The following PAM variants were observed in gnomAD, a reference collection of about 807,000 sequenced individuals.
The protein encoded by PAM is peptidylglycine alpha-amidating monooxygenase, also known as peptidyl-glycine alpha-amidating monooxygenase.
A neutral mutation model predicts 122.1 loss-of-function variants in PAM; 72 were observed. The observed-to-expected ratio is 0.59, with a 90% CI of 0.49 to 0.72. PAM has a LOEUF of 0.72. PAM is among the 30% of genes least tolerant of loss of function. The pLI, the probability that PAM is intolerant of heterozygous loss-of-function variation, is 0.00. For missense variants in PAM, 1,106 were observed against 1,183.7 expected (o/e 0.93, Z 0.96); for synonymous variants, 389 against 404.4 (o/e 0.96, Z 0.46).
intron 1 of PAM, among the ~76,000 whole-genome samples, chr5:102,817,324 G>T (rs929260006): frequency 1.6e-4 from 24 of 151,928 alleles, no homozygotes; most frequent in African/African-American, 5.1e-4. Flanking sequence ...CAATATGGTA[G>T]CCACTTGCTA....
At chr5:102,874,424 T>TA (rs1788500149) in intron 3 of PAM, among the ~76,000 whole-genome samples, 1 of 152,194 alleles carries the variant, frequency 6.6e-6, no homozygotes, top group Admixed American at 6.5e-5. Context: ...TACTGAAACT[T>TA]ATTTAACGTT....
intron 7 of PAM, among the ~76,000 whole-genome samples, chr5:102,931,604 C>G (rs1214411873): frequency 2.0e-5 from 3 of 152,146 alleles, no homozygotes; most frequent in African/African-American, 7.2e-5. Flanking sequence ...AACAATAACT[C>G]ATTTCTCAAA....
At position 102,981,087 on chromosome 5, in the gene PAM, TGGTGAAGATA is replaced by T. The variant is rs535933515; in HGVS notation, c.1483+6654_1483+6663del. 1.2e-4 allele frequency among the ~76,000 whole-genome samples: 18 copies of T among 152,310 alleles called. No homozygotes were observed. In the East Asian group the frequency reaches 3.5e-3, roughly 29 times the overall value. On this transcript the variant is annotated intron_variant, in intron 15 of 25. Transcript: ENST00000438793. Reference sequence around the variant, plus strand: ...TGTGACAAATGAGTGTTTTTGTAATTGGTGAAGATAGGCTCAAAACAACCTATGCGTCCAT... The same window carrying T: ...TGTGACAAATGAGTGTTTTTGTAATTGGCTCAAAACAACCTATGCGTCCAT...
intron 7 of PAM, among the ~76,000 whole-genome samples, chr5:102,931,580 G>T (rs1218170042): frequency 1.3e-5 from 2 of 152,140 alleles, no homozygotes; most frequent in African/African-American, 4.8e-5. Context: ...TCTGGCATTA[G>T]CTTACTAGTC....
chr5:102,842,606 G>A (rs185495253), intron 1 of PAM, among the ~76,000 whole-genome samples: 30 of 152,256 alleles, frequency 2.0e-4, no homozygotes, highest in Admixed American at 9.2e-4. Context: ...TAACACCAGC[G>A]TGAGAATAGA....
intron 1 of PAM, among the ~76,000 whole-genome samples, chr5:102,847,452 T>G (rs2150673359): frequency 6.6e-6 from 1 of 152,264 alleles, no homozygotes; most frequent in African/African-American, 2.4e-5. Context: ...AAGTTTTTTT[T>G]GCCAAGTAAG....
chr5:102,955,145 T>C (rs899780812), intron 12 of PAM, among the ~76,000 whole-genome samples: 3 of 152,052 alleles, frequency 2.0e-5, no homozygotes, highest in Non-Finnish European at 4.4e-5. Flanking sequence ...GGGGTAGAGG[T>C]GAAGAATTCT....
chr5:102,961,597 C>T (rs1362505116), intron 14 of PAM, among the ~76,000 whole-genome samples: 2 of 151,786 alleles, frequency 1.3e-5, no homozygotes, highest in Non-Finnish European at 2.9e-5. Flanking sequence ...ATGGTATGTT[C>T]ATTAAGTAGA....
At chr5:103,006,093 C>G (rs1778884186) in intron 18 of PAM, among the ~76,000 whole-genome samples, 1 of 152,042 alleles carries the variant, frequency 6.6e-6, no homozygotes, top group African/African-American at 2.4e-5. Context: ...CACCAGCATA[C>G]TTGGCTAATT....
intron 12 of PAM, among the ~76,000 whole-genome samples, chr5:102,959,010 C>A: frequency 6.6e-6 from 1 of 151,996 alleles, no homozygotes; most frequent in South Asian, 2.1e-4. Flanking sequence ...ATGGTTCCTT[C>A]CTAATAATGC....
chr5:102,886,626 C>T (rs934200554), intron 3 of PAM, among the ~76,000 whole-genome samples: 1 of 151,994 alleles, frequency 6.6e-6, no homozygotes, highest in Non-Finnish European at 1.5e-5. Context: ...CCTGTTGTAT[C>T]ACTCTTATAG....
chr5:102,793,106 G>A (rs1285706981), intron 1 of PAM, among the ~76,000 whole-genome samples: 1 of 152,048 alleles, frequency 6.6e-6, no homozygotes, highest in East Asian at 1.9e-4. Flanking sequence ...TTAAAAATTA[G>A]GTAAGATACC....
chr5:102,887,345 C>T (rs2151219946), intron 3 of PAM, among the ~76,000 whole-genome samples: 1 of 152,096 alleles, frequency 6.6e-6, no homozygotes, highest in African/African-American at 2.4e-5. Flanking sequence ...GCTTTTTCTC[C>T]ATTCTGCTTT....
rs745984453 is a variant in PAM at position 102,959,971 on chromosome 5, T to C, written c.1002T>C (p.Ala334=). 1 of 1,612,136 alleles carries C rather than the reference T, an allele frequency of 6.2e-7. No homozygotes were observed. Among genetic ancestry groups the C allele is most frequent in the Non-Finnish European group, 8.5e-7 (1 of 1,178,338 alleles). The change falls in exon 13 of 26, where the codon GCT becomes GCC. Residue 334 remains alanine, a synonymous_variant. Coordinates refer to ENST00000438793, the MANE Select transcript of PAM (RefSeq NM_001177306.2). ...VSFMTCTQNV[A]PDMFRTIPPE... is the part of the protein sequence containing the mutation. The stretch of plus-strand genomic sequence containing the variant: ...TCATGACCTGTACCCAGAATGTAGC[T>C]CCAGATATGTTCAGAACCATACCAC...
chr5:102,840,027 C>T (rs1048252542), intron 1 of PAM, among the ~76,000 whole-genome samples: 4 of 151,888 alleles, frequency 2.6e-5, no homozygotes, highest in Non-Finnish European at 5.9e-5. Flanking sequence ...CTAACCAGAG[C>T]AATAAAACAA....
intron 1 of PAM, among the ~76,000 whole-genome samples, chr5:102,760,512 GGAATAC>G (rs1752006193): frequency 1.3e-5 from 2 of 152,252 alleles, no homozygotes; most frequent in South Asian, 4.1e-4. Flanking sequence ...AATTAAAAAT[GGAATAC>G]GATTTTAAAA....
At chr5:102,989,480 C>T (rs1474103489) in intron 15 of PAM, among the ~76,000 whole-genome samples, 1 of 152,168 alleles carries the variant, frequency 6.6e-6, no homozygotes, top group East Asian at 1.9e-4. Flanking sequence ...GCATTCCAGC[C>T]TGGGTGACAG....
chr5:102,898,136 A>G (rs2151363368), intron 3 of PAM, among the ~76,000 whole-genome samples: 1 of 151,738 alleles, frequency 6.6e-6, no homozygotes, highest in South Asian at 2.1e-4. Flanking sequence ...GATAGTTCCC[A>G]GTAGCATCAG....
chr5:102,825,947 G>A (rs571703028), intron 1 of PAM, among the ~76,000 whole-genome samples: 2 of 151,988 alleles, frequency 1.3e-5, no homozygotes, highest in African/African-American at 4.8e-5. Flanking sequence ...GTAAAACCTG[G>A]GTTTTATTTC....
Sources: gnomAD v4.1 joint callset for allele counts (sites outside exome capture counted in the v4.1 genomes callset) on GRCh38, gnomAD v4.1.1 for gene constraint, MANE v1.5 for transcripts, NCBI Gene and HGNC (gene_info 2026-07-23, HGNC 2026-07-21) for gene names.